Variants in MELK observed in about 807,000 individuals in gnomAD.
The protein encoded by MELK is maternal embryonic leucine zipper kinase, also known as pEg3 kinase.
A neutral mutation model predicts 85.0 loss-of-function variants in MELK; 81 were observed. The observed-to-expected ratio is 0.95, with a 90% CI of 0.80 to 1.15. The LOEUF is 1.15. Ranked by LOEUF, MELK falls within the 50% of genes most tolerant of loss-of-function variation. MELK has a pLI of 0.00. For missense variants in MELK, 754 were observed against 777.5 expected (o/e 0.97, Z 0.36); for synonymous variants, 252 against 265.0 (o/e 0.95, Z 0.48).
At chr9:36,651,943 G>C (rs1424225312) in intron 12 of MELK, 66 bp downstream of exon 12, 10 of 1,400,462 alleles carry the variant, frequency 7.1e-6, no homozygotes, top group African/African-American at 1.5e-5. Context: ...TATACCACTG[G>C]GAAGGTAAAC....
chr9:36,672,531 C>T (rs1191079778), intron 16 of MELK, among the ~76,000 whole-genome samples: 1 of 152,206 alleles, frequency 6.6e-6, no homozygotes, highest in African/African-American at 2.4e-5. Context: ...AGTTGGCTTT[C>T]TAGGTAGTTC....
At chr9:36,588,196 A>T (rs778247371) in intron 3 of MELK, among the ~76,000 whole-genome samples, 7 of 149,248 alleles carry the variant, frequency 4.7e-5, no homozygotes, top group Non-Finnish European at 8.9e-5. Flanking sequence ...AGCTGGGATT[A>T]CAGACATGCG....
Position 36,631,895 on chromosome 9 carries a change from C to T in MELK, c.736-1207C>T, listed in dbSNP as rs138050741. ...CAGGCTGGTTTCGAACTCCTGAGCT[C>T]AAGCGTTCTGCCTGTCTTGATCTCC... On this transcript the variant is annotated intron_variant, in intron 9 of 17. Transcript: ENST00000298048. Among the ~76,000 whole-genome samples, 35 of 152,192 alleles carry T rather than the reference C, an allele frequency of 2.3e-4. 1 individual carries two copies. In the East Asian group the frequency reaches 6.6e-3, roughly 29 times the overall value.
chr9:36,653,623 G>C (rs1830928148), intron 12 of MELK, among the ~76,000 whole-genome samples: 2 of 152,100 alleles, frequency 1.3e-5, no homozygotes, highest in Admixed American at 1.3e-4. Context: ...TCTTCCCTCA[G>C]ATTAATTCAG....
At chr9:36,574,897 G>A (rs1233123566) in intron 1 of MELK, among the ~76,000 whole-genome samples, 1 of 152,090 alleles carries the variant, frequency 6.6e-6, no homozygotes, top group Admixed American at 6.6e-5. Context: ...AGCACTTTGG[G>A]AGGCCGAGGC....
At chr9:36,676,211 A>G (rs1833332002) in intron 17 of MELK, among the ~76,000 whole-genome samples, 1 of 152,242 alleles carries the variant, frequency 6.6e-6, no homozygotes, top group Non-Finnish European at 1.5e-5. Context: ...ACACATGACT[A>G]AGTTAGTAAG....
chr9:36,656,017 A>G (rs1382650123), intron 12 of MELK, among the ~76,000 whole-genome samples: 3 of 152,230 alleles, frequency 2.0e-5, no homozygotes, highest in Non-Finnish European at 4.4e-5. Context: ...GGGAAAAGGA[A>G]GGAAGGAGAA....
Position 36,631,900 on chromosome 9 carries a change from G to A in MELK, c.736-1202G>A, listed in dbSNP as rs1320433290. Among the ~76,000 whole-genome samples, 6 of 151,978 alleles carry A rather than the reference G, an allele frequency of 3.9e-5. No homozygotes were observed. The South Asian group carries it at 6.2e-4, about 16-fold the overall frequency. The stretch of plus-strand genomic sequence containing the variant: ...TGGTTTCGAACTCCTGAGCTCAAGC[G>A]TTCTGCCTGTCTTGATCTCCCAAAG... On this transcript the variant is annotated intron_variant, in intron 9 of 17. Transcript: ENST00000298048.
intron 8 of MELK, among the ~76,000 whole-genome samples, chr9:36,615,538 GA>G (rs1262920594): frequency 7.1e-6 from 1 of 140,406 alleles, no homozygotes; most frequent in African/African-American, 3.0e-5. Flanking sequence ...GCCGGGCGGA[GA>G]CGCTCCTCAC....
intron 7 of MELK, among the ~76,000 whole-genome samples, chr9:36,602,938 G>T (rs578145566): frequency 7.9e-5 from 12 of 152,256 alleles, no homozygotes; most frequent in African/African-American, 2.6e-4. Flanking sequence ...CAGAAATTTG[G>T]TGCCTTTGCA....
chr9:36,589,920 G>GCTTTTT (rs1554715717), intron 4 of MELK, among the ~76,000 whole-genome samples: 1 of 125,812 alleles, frequency 7.9e-6, no homozygotes, highest in African/African-American at 3.1e-5. Context: ...ACTCATTCTA[G>GCTTTTT]TTTTTTTTTT....
At chr9:36,591,781 G>GA (rs1823615375) in intron 4 of MELK, among the ~76,000 whole-genome samples, 1 of 151,368 alleles carries the variant, frequency 6.6e-6, no homozygotes, top group Admixed American at 6.6e-5. Context: ...AATAAAAAAA[G>GA]AAAAAAAGGC....
intron 8 of MELK, among the ~76,000 whole-genome samples, chr9:36,625,002 T>G (rs956746218): frequency 1.3e-5 from 2 of 152,126 alleles, no homozygotes; most frequent in Admixed American, 1.3e-4. Context: ...TTCCTAGGGT[T>G]GTTGTAACAA....
intron 1 of MELK, among the ~76,000 whole-genome samples, chr9:36,574,073 TC>T (rs1230250594): frequency 6.6e-6 from 1 of 152,154 alleles, no homozygotes; most frequent in East Asian, 1.9e-4. Context: ...GGTTTCTGTT[TC>T]CCATGGAGTC....
chr9:36,594,654 C>G lies in MELK; in HGVS notation c.288C>G (p.Asp96Glu). The change falls in exon 5 of 18, where the codon GAC becomes GAG. Residue 96 changes from aspartate (D) to glutamate (E), a missense_variant. Asp to Glu is a conservative substitution (Grantham distance 45). Transcript: ENST00000298048. ...ACTGCCCTGGAGGAGAGCTGTTTGA[C>G]TATATAATTTCCCAGGATCGCCTGT... ...LEYCPGGELF[D>E]YIISQDRLSE... is the part of the protein sequence containing the mutation. The G allele has an allele frequency of 6.2e-7, 1 of 1,613,978 alleles. No individual in the cohort carries two copies. Among genetic ancestry groups the G allele is most frequent in the Non-Finnish European group, 8.5e-7 (1 of 1,179,978 alleles).
chr9:36,640,781 A>G (rs746691492), intron 10 of MELK, among the ~76,000 whole-genome samples: 3 of 152,162 alleles, frequency 2.0e-5, no homozygotes, highest in East Asian at 1.9e-4. Context: ...TAATAACCCC[A>G]TTTATGAGGG....
At chr9:36,592,468 C>T (rs1233683196) in intron 4 of MELK, among the ~76,000 whole-genome samples, 1 of 152,080 alleles carries the variant, frequency 6.6e-6, no homozygotes, top group Non-Finnish European at 1.5e-5. Flanking sequence ...TGAGCCACCG[C>T]GCCCGGCCCT....
At chr9:36,611,281 C>A (rs761560332) in intron 8 of MELK, among the ~76,000 whole-genome samples, 1 of 152,166 alleles carries the variant, frequency 6.6e-6, no homozygotes, top group African/African-American at 2.4e-5. Context: ...GAATATTACA[C>A]CTCCTAGACT....
chr9:36,636,806 G>GTCTGTGTGTCTTTCTTTCTT (rs1307055019), intron 10 of MELK, among the ~76,000 whole-genome samples: 4 of 112,238 alleles, frequency 3.6e-5, no homozygotes, highest in African/African-American at 1.1e-4. Context: ...CTTTCTTTCT[G>GTCTGTGTGTCTTTCTTTCTT]TCTTTCTTTC....
Sources: gnomAD v4.1 joint callset for allele counts (sites outside exome capture counted in the v4.1 genomes callset) on GRCh38, gnomAD v4.1.1 for gene constraint, MANE v1.5 for transcripts, NCBI Gene and HGNC (gene_info 2026-07-23, HGNC 2026-07-21) for gene names.